The following CADPS2 variants were observed in gnomAD, a reference collection of about 807,000 sequenced individuals.
CADPS2 encodes calcium-dependent secretion activator 2.
Under a neutral mutation model 172.5 loss-of-function variants are expected in CADPS2, and 93 were observed. That is an observed-to-expected ratio of 0.54 (90% CI 0.46 to 0.64). The LOEUF is 0.64. Ranked by LOEUF, CADPS2 falls within the 30% of genes least tolerant of loss-of-function variation. The probability of loss-of-function intolerance (pLI) is 0.00; values close to 1 mark genes in which losing one functional copy is unlikely to be tolerated. For synonymous variants in CADPS2, 546 were observed against 555.2 expected, an observed-to-expected ratio of 0.98 and a Z score of 0.23; for missense variants, 1,420 against 1,565.9, an observed-to-expected ratio of 0.91 and a Z score of 1.57.
chr7:122,864,294 T>C (rs1313940689), intron 1 of CADPS2, among the ~76,000 whole-genome samples: 2 of 151,980 alleles, frequency 1.3e-5, no homozygotes, highest in African/African-American at 2.4e-5. Flanking sequence ...TAAAAATGTG[T>C]TATCTGTCAT....
At chr7:122,878,326 T>G (rs993048943) in intron 1 of CADPS2, among the ~76,000 whole-genome samples, 95 of 147,370 alleles carry the variant, frequency 6.4e-4, no homozygotes, top group African/African-American at 2.3e-3. Context: ...TCTGACACAT[T>G]AGAGAGGGAA....
chr7:122,642,287 A>AG (rs2077742888), intron 3 of CADPS2, among the ~76,000 whole-genome samples: 1 of 151,724 alleles, frequency 6.6e-6, no homozygotes, highest in African/African-American at 2.4e-5. Context: ...CTCAAAAAAA[A>AG]AAAAAAAAGG....
At position 122,739,553 on chromosome 7, in the gene CADPS2, T is replaced by C. The variant is rs544996602; in HGVS notation, c.340-2485A>G. 2.0e-5 allele frequency among the ~76,000 whole-genome samples: 3 copies of C among 152,286 alleles called. No individual in the cohort carries two copies. The South Asian group carries it at 6.2e-4, about 32-fold the overall frequency. On this transcript the variant is annotated intron_variant, in intron 1 of 29. Transcript: ENST00000449022. ...TTCTTGGAAGCTCCAACAAAGTTGA[T>C]ATAGTTCACAAAATAAGCCAGAGTC...
At chr7:122,508,533 T>C (rs1272630502) in intron 9 of CADPS2, among the ~76,000 whole-genome samples, 2 of 137,292 alleles carry the variant, frequency 1.5e-5, no homozygotes, top group African/African-American at 2.7e-5. Flanking sequence ...GGTGCAATCA[T>C]GGCCTACTGC....
intron 2 of CADPS2, among the ~76,000 whole-genome samples, chr7:122,691,837 A>G (rs914305724): frequency 1.3e-5 from 2 of 152,166 alleles, no homozygotes; most frequent in African/African-American, 4.8e-5. Context: ...CACCCCCAGA[A>G]TGTCTCCAGG....
intron 7 of CADPS2, among the ~76,000 whole-genome samples, chr7:122,557,030 G>A (rs983990624): frequency 3.3e-5 from 5 of 152,046 alleles, no homozygotes; most frequent in Non-Finnish European, 7.4e-5. Context: ...GAAAGACGTG[G>A]GAATGTTTGT....
chr7:122,783,179 C>T (rs1299868826), intron 1 of CADPS2, among the ~76,000 whole-genome samples: 14 of 142,560 alleles, frequency 9.8e-5, no homozygotes, highest in Admixed American at 5.8e-4. Context: ...GGCGACAAAG[C>T]GAGACTCCAT....
chr7:122,636,715 C>T (rs1385813607), intron 3 of CADPS2, among the ~76,000 whole-genome samples: 1 of 152,106 alleles, frequency 6.6e-6, no homozygotes, highest in Non-Finnish European at 1.5e-5. Context: ...ATCCGCCTGC[C>T]TCGGTATCCC....
chr7:122,724,693 T>C (rs1234406293), intron 2 of CADPS2, among the ~76,000 whole-genome samples: 1 of 152,106 alleles, frequency 6.6e-6, no homozygotes, highest in Non-Finnish European at 1.5e-5. Context: ...CACACAGATC[T>C]GGAAGTCCAA....
chr7:122,356,313 T>C (rs766722789), intron 27 of CADPS2, among the ~76,000 whole-genome samples: 2 of 152,194 alleles, frequency 1.3e-5, no homozygotes, highest in Non-Finnish European at 2.9e-5. Context: ...CTGATTTTTT[T>C]TGATGATTAG....
chr7:122,361,613 T>C (rs1184764798), intron 25 of CADPS2, among the ~76,000 whole-genome samples: 2 of 152,154 alleles, frequency 1.3e-5, no homozygotes, highest in Non-Finnish European at 2.9e-5. Context: ...ACTGAAGCCA[T>C]TCATAAACAA....
intron 2 of CADPS2, among the ~76,000 whole-genome samples, chr7:122,721,516 A>C (rs13223497): frequency 0.047 from 7,205 of 152,208 alleles, 230 homozygotes; most frequent in Non-Finnish European, 0.049. Context: ...GAATAGACCA[A>C]TAACAGGCTC....
At chr7:122,539,507 G>A (rs1265524611) in intron 8 of CADPS2, among the ~76,000 whole-genome samples, 1 of 151,994 alleles carries the variant, frequency 6.6e-6, no homozygotes, top group African/African-American at 2.4e-5. Flanking sequence ...GATCAGAAAT[G>A]AAATATTTAA....
intron 9 of CADPS2, among the ~76,000 whole-genome samples, chr7:122,492,255 A>G (rs1034511281): frequency 2.6e-5 from 4 of 152,178 alleles, no homozygotes; most frequent in African/African-American, 9.6e-5. Flanking sequence ...TTGAGAATTT[A>G]GTGGCCACAT....
Position 122,471,519 on chromosome 7 carries a change from C to T in CADPS2, c.2042G>A (p.Cys681Tyr). Residue 681 changes from cysteine to tyrosine, a missense_variant, in exon 14 of 30, where the codon TGT becomes TAT. Physicochemically the swap from Cys to Tyr is radical, Grantham distance 194 (BLOSUM62 -2). Transcript: ENST00000449022. ...ACAGCCTCTCACACCATAACGGGCA[C>T]AGTACTCATCTAACACAAAGACTTG... is the stretch of plus-strand genomic sequence containing the variant. ...PGQVFVLDEY[C>Y]ARYGVRGCHR... 6.2e-7 allele frequency: 1 copy of T among 1,609,982 alleles called. No homozygotes were observed. The highest frequency in any genetic ancestry group is 8.5e-7 in the Non-Finnish European group (1 of 1,178,014).
At chr7:122,522,805 A>C (rs2060914477) in intron 8 of CADPS2, among the ~76,000 whole-genome samples, 1 of 129,408 alleles carries the variant, frequency 7.7e-6, no homozygotes, top group Non-Finnish European at 1.5e-5. Flanking sequence ...TTTAGCTTTT[A>C]CATGTGAGAA....
intron 8 of CADPS2, among the ~76,000 whole-genome samples, chr7:122,549,021 A>G (rs2063920285): frequency 6.6e-6 from 1 of 152,200 alleles, no homozygotes; most frequent in Non-Finnish European, 1.5e-5. Context: ...TGAATTAATG[A>G]TGATTTGTAC....
At chr7:122,807,088 G>A (rs952510369) in intron 1 of CADPS2, among the ~76,000 whole-genome samples, 6 of 152,232 alleles carry the variant, frequency 3.9e-5, no homozygotes, top group Non-Finnish European at 8.8e-5. Flanking sequence ...CAGCACATTT[G>A]TATTTGCTTC....
Position 122,393,423 on chromosome 7 carries a change from A to G in CADPS2, c.2888+18T>C. On this transcript the variant is annotated intron_variant, in intron 21 of 29. Coordinates refer to ENST00000449022, the MANE Select transcript of CADPS2 (RefSeq NM_017954.11). Reference sequence around the variant, plus strand: ...TTGAAGAGGCAGGTGCTCTACGGACACTAGGTAAGATACCTACTTGACAGG... The same window carrying G: ...TTGAAGAGGCAGGTGCTCTACGGACGCTAGGTAAGATACCTACTTGACAGG... 4 of 1,613,704 alleles carry G rather than the reference A, an allele frequency of 2.5e-6. No individual in the cohort carries two copies. Among genetic ancestry groups the G allele is most frequent in the Non-Finnish European group, 3.4e-6 (4 of 1,179,696 alleles).
Sources: gnomAD v4.1 joint callset for allele counts (sites outside exome capture counted in the v4.1 genomes callset) on GRCh38, gnomAD v4.1.1 for gene constraint, MANE v1.5 for transcripts, NCBI Gene and HGNC (gene_info 2026-07-23, HGNC 2026-07-21) for gene names.